LRRFIP2: variants seen among roughly 807,000 people sequenced by gnomAD.
The protein encoded by LRRFIP2 is leucine-rich repeat flightless-interacting protein 2.
Under a neutral mutation model 125.9 loss-of-function variants are expected in LRRFIP2, and 109 were observed. The ratio of observed to expected loss-of-function variants is 0.87; its 90% CI spans 0.74 to 1.01. The LOEUF is 1.01. LRRFIP2 is among the 50% of genes least tolerant of loss of function. The pLI, the probability that LRRFIP2 is intolerant of heterozygous loss-of-function variation, is 0.00. For missense variants in LRRFIP2, 850 were observed against 862.3 expected, an observed-to-expected ratio of 0.99 and a Z score of 0.18; for synonymous variants, 291 against 293.1, an observed-to-expected ratio of 0.99 and a Z score of 0.07.
intron 20 of LRRFIP2, 101 bp from the exon 21 acceptor site, chr3:37,072,983 C>A: frequency 2.8e-6 from 2 of 725,956 alleles, no homozygotes; most frequent in South Asian, 1.8e-5. Flanking sequence ...AGAAACTTAA[C>A]CAAAAGGGAA....
At chr3:37,077,359 G>A (rs2092191553) in intron 19 of LRRFIP2, among the ~76,000 whole-genome samples, 1 of 152,154 alleles carries the variant, frequency 6.6e-6, no homozygotes, top group Non-Finnish European at 1.5e-5. Context: ...GAAAAAGAAT[G>A]AGCAAGATAT....
At chr3:37,133,723 T>C (rs914608857) in intron 2 of LRRFIP2, among the ~76,000 whole-genome samples, 2 of 152,196 alleles carry the variant, frequency 1.3e-5, no homozygotes, top group African/African-American at 4.8e-5. Context: ...ATAGTGGTGA[T>C]GGCTGCATGA....
chr3:37,112,906 A>G lies in LRRFIP2; in HGVS notation c.438+9T>C. 6.7e-7 allele frequency: 1 copy of G among 1,502,436 alleles called. No homozygotes were observed. The highest frequency in any genetic ancestry group is 1.2e-5 in the South Asian group (1 of 80,340). 93.1% of individuals were successfully genotyped at this position (1,502,436 alleles called of 1,614,324 possible). A position where few individuals can be genotyped will look rare whatever the true frequency, so the allele number is the denominator to read the frequency against. ...CGTGAATTGTGATATGAGAGACAAC[A>G]GAACTAACCAGTAGGTCTTTATGAG... is the stretch of plus-strand genomic sequence containing the variant. On this transcript the variant is annotated intron_variant, in intron 8 of 27. Transcript: ENST00000336686.
chr3:37,105,636 C>A, intron 13 of LRRFIP2, 113 bp from the exon 14 acceptor site: 1 of 719,276 alleles, frequency 1.4e-6, no homozygotes. Flanking sequence ...ATATAAGCAG[C>A]ATAATTGGTA....
chr3:37,157,125 G>A (rs891814590), intron 1 of LRRFIP2, among the ~76,000 whole-genome samples: 5 of 151,410 alleles, frequency 3.3e-5, no homozygotes, highest in Admixed American at 6.6e-5. Flanking sequence ...GTGCAACCCC[G>A]TCTCAAAACA....
At chr3:37,153,340 A>G (rs1187644208) in intron 1 of LRRFIP2, among the ~76,000 whole-genome samples, 1 of 152,106 alleles carries the variant, frequency 6.6e-6, no homozygotes, top group African/African-American at 2.4e-5. Flanking sequence ...GCAGTGAGCC[A>G]TGATCACTGC....
intron 13 of LRRFIP2, among the ~76,000 whole-genome samples, chr3:37,105,792 C>T (rs574420859): frequency 6.6e-6 from 1 of 152,174 alleles, no homozygotes; most frequent in South Asian, 2.1e-4. Context: ...AAGCCAGGAG[C>T]GGTGGCTCAT....
chr3:37,081,792 G>A (rs1470159965), intron 19 of LRRFIP2, among the ~76,000 whole-genome samples: 1 of 151,682 alleles, frequency 6.6e-6, no homozygotes, highest in Non-Finnish European at 1.5e-5. Flanking sequence ...GGAGGCTGAG[G>A]TGGGAGGATC....
At chr3:37,157,699 C>A (rs1577766494) in intron 1 of LRRFIP2, among the ~76,000 whole-genome samples, 1 of 151,752 alleles carries the variant, frequency 6.6e-6, no homozygotes, top group Non-Finnish European at 1.5e-5. Flanking sequence ...GAAATTGAGG[C>A]AAAGTACAAA....
chr3:37,088,946 C>T (rs889529661), intron 18 of LRRFIP2, among the ~76,000 whole-genome samples: 4 of 152,054 alleles, frequency 2.6e-5, no homozygotes, highest in Non-Finnish European at 5.9e-5. Flanking sequence ...GGCACAAGTG[C>T]TATTGGTTTG....
chr3:37,108,471 T>C (rs1239104516), intron 12 of LRRFIP2, among the ~76,000 whole-genome samples, 166 bp downstream of exon 12: 1 of 152,248 alleles, frequency 6.6e-6, no homozygotes, highest in Non-Finnish European at 1.5e-5. Context: ...CACAACTGGC[T>C]AGCTCAATGA....
chr3:37,098,753 A>C (rs2093864546), intron 15 of LRRFIP2, among the ~76,000 whole-genome samples: 2 of 152,204 alleles, frequency 1.3e-5, no homozygotes, highest in South Asian at 4.1e-4. Flanking sequence ...TAATCCTTTT[A>C]CACATCTATA....
intron 6 of LRRFIP2, among the ~76,000 whole-genome samples, chr3:37,116,783 TC>T (rs1181940859): frequency 6.6e-6 from 1 of 152,046 alleles, no homozygotes; most frequent in African/African-American, 2.4e-5. Context: ...TGCAGAAACC[TC>T]AAAAAATAAA....
At chr3:37,163,952 C>A (rs951234862) in intron 1 of LRRFIP2, among the ~76,000 whole-genome samples, 7 of 152,130 alleles carry the variant, frequency 4.6e-5, no homozygotes, top group Non-Finnish European at 8.8e-5. Context: ...TTCATGTATT[C>A]TTCTTCCTAA....
chr3:37,104,858 T>G (rs2094239581), intron 14 of LRRFIP2, among the ~76,000 whole-genome samples: 1 of 152,138 alleles, frequency 6.6e-6, no homozygotes, highest in Non-Finnish European at 1.5e-5. Flanking sequence ...TTTTTTTTCT[T>G]TTGAGAGGCA....
chr3:37,089,342 G>A (rs2093294000), intron 18 of LRRFIP2, among the ~76,000 whole-genome samples: 1 of 152,020 alleles, frequency 6.6e-6, no homozygotes, highest in Non-Finnish European at 1.5e-5. Flanking sequence ...TACAGCATGG[G>A]CAAATGCTGT....
Position 37,083,698 on chromosome 3 carries a change from C to T in LRRFIP2, c.1216G>A (p.Val406Ile). The stretch of plus-strand genomic sequence containing the variant: ...ATCTGTTCCTCCTGCTCTTCAATAA[C>T]ATCCTTGAGTGTGTCTACTTGGTAG... Reference protein sequence around the residue: ...LIYQVDTLKDVIEEQEEQMAE... With the variant: ...LIYQVDTLKDIIEEQEEQMAE... The change falls in exon 19 of 28, where the codon GTT (valine) becomes ATT (isoleucine). Residue 406 changes from valine (V) to isoleucine (I), a missense_variant. Transcript: ENST00000336686. The T allele has an allele frequency of 6.3e-7, 1 of 1,595,276 alleles. No individual in the cohort carries two copies. The highest frequency in any genetic ancestry group is 8.5e-7 in the Non-Finnish European group (1 of 1,173,416).
At chr3:37,059,086 A>G (rs551939211) in intron 24 of LRRFIP2, among the ~76,000 whole-genome samples, 176 bp from the exon 25 acceptor site, 50 of 152,274 alleles carry the variant, frequency 3.3e-4, no homozygotes, top group Non-Finnish European at 5.7e-4. Flanking sequence ...TGCTAAAGAT[A>G]AGCTACGAAC....
chr3:37,127,330 A>G (rs953782705), intron 4 of LRRFIP2, among the ~76,000 whole-genome samples: 6 of 152,096 alleles, frequency 3.9e-5, no homozygotes, highest in Admixed American at 2.0e-4. Flanking sequence ...TTAAAAAAAA[A>G]GGGGAGAGAG....
Sources: allele counts gnomAD v4.1 joint callset (sites outside exome capture counted in the v4.1 genomes callset), GRCh38; gene constraint gnomAD v4.1.1; transcripts MANE v1.5; gene names NCBI Gene and HGNC (gene_info 2026-07-23, HGNC 2026-07-21).